The following WNT4 variants were observed in gnomAD, a reference collection of about 807,000 sequenced individuals.
The protein encoded by WNT4 is protein Wnt-4.
A neutral mutation model predicts 34.5 loss-of-function variants in WNT4; 16 were observed. That is an observed-to-expected ratio of 0.46 (90% CI 0.31 to 0.70). The LOEUF (loss-of-function observed/expected upper bound fraction) is 0.70. Ranked by LOEUF, WNT4 falls within the 30% of genes least tolerant of loss-of-function variation. The pLI, the probability that WNT4 is intolerant of heterozygous loss-of-function variation, is 0.04. For synonymous variants in WNT4, 200 were observed against 211.9 expected, an observed-to-expected ratio of 0.94 and a Z score of 0.49; for missense variants, 379 against 495.9, an observed-to-expected ratio of 0.76 and a Z score of 2.24.
intron 1 of WNT4, among the ~76,000 whole-genome samples, chr1:22,136,909 C>T (rs539404617): frequency 6.6e-6 from 1 of 152,280 alleles, no homozygotes; most frequent in South Asian, 2.1e-4. Flanking sequence ...GGCTATTCTG[C>T]TGTCTCCAGC....
At chr1:22,127,120 C>T (rs1219369120) in intron 2 of WNT4, 1 of 368,034 alleles carries the variant, frequency 2.7e-6, no homozygotes, top group Admixed American at 3.7e-5. Context: ...AGCTCAGCCT[C>T]CTTCTCCAGG....
At position 22,134,376 on chromosome 1, in the gene WNT4, G is replaced by C. The variant is rs577416783; in HGVS notation, c.78-4525C>G. Among the ~76,000 whole-genome samples the C allele has an allele frequency of 2.6e-5, 4 of 152,280 alleles. No individual in the cohort carries two copies. The East Asian group carries it at 7.7e-4, about 29-fold the overall frequency. ...TCTAGGACTGTGTTCTTAGGGGGATGGTACCTGGTTTCCCAAGATCCTAAC... is the reference window on the plus strand; with the variant it reads ...TCTAGGACTGTGTTCTTAGGGGGATCGTACCTGGTTTCCCAAGATCCTAAC... On this transcript the variant is annotated intron_variant, in intron 1 of 4. Transcript: ENST00000290167. The surrounding 1 kb of genome is among the most constrained non-coding windows in gnomAD (Gnocchi z 4.1).
intron 2 of WNT4, chr1:22,127,314 T>C (rs1481616646): frequency 3.8e-6 from 2 of 529,732 alleles, no homozygotes; most frequent in Non-Finnish European, 7.7e-6. Flanking sequence ...CCTTGGTTCC[T>C]CCCCCAAAGG....
At chr1:22,138,831 G>A (rs545748248) in intron 1 of WNT4, among the ~76,000 whole-genome samples, 1 of 152,278 alleles carries the variant, frequency 6.6e-6, no homozygotes, top group East Asian at 1.9e-4. Flanking sequence ...CCAGAGTGTT[G>A]GGCTTCACTC....
intron 2 of WNT4, 62 bp downstream of exon 2, chr1:22,129,554 C>A (rs1181552810): frequency 2.8e-5 from 43 of 1,553,234 alleles, no homozygotes; most frequent in Non-Finnish European, 3.7e-5. Flanking sequence ...CGTCTCATTT[C>A]CTGCTGGGCC....
rs1645896637 is a variant in WNT4 at position 22,121,357 on chromosome 1, G to A, written c.446-4C>T. ...GAGCATCCTGACCACTGGAAGCCTGGGGTGTGGTGGGCACAGAAAGGGCTG... is the reference window on the plus strand; with the variant it reads ...GAGCATCCTGACCACTGGAAGCCTGAGGTGTGGTGGGCACAGAAAGGGCTG... On this transcript the variant is annotated splice_region_variant and splice_polypyrimidine_tract_variant and intron_variant, in intron 3 of 4. Coordinates refer to ENST00000290167, the MANE Select transcript of WNT4 (RefSeq NM_030761.5). 6.2e-7 allele frequency: 1 copy of A among 1,613,956 alleles called. No individual in the cohort carries two copies. The highest frequency in any genetic ancestry group is 8.5e-7 in the Non-Finnish European group (1 of 1,180,042).
Position 22,119,965 on chromosome 1 carries a change from C to G in WNT4, c.*85G>C. On this transcript the variant is annotated 3_prime_UTR_variant, in exon 5 of 5. Transcript: ENST00000290167. ...AGAACAAAAAATACAACCAGTATCT[C>G]TTGGGGTAGGTGGTGGGAGACTGTT... The G allele has an allele frequency of 6.6e-7, 1 of 1,504,882 alleles. No individual in the cohort carries two copies. The highest frequency in any genetic ancestry group is 9.0e-7 in the Non-Finnish European group (1 of 1,107,148). 93.2% of individuals were successfully genotyped at this position (1,504,882 alleles called of 1,614,324 possible).
At position 22,140,194 on chromosome 1, in the gene WNT4, C is replaced by G; in HGVS notation, c.77+2652G>C. 1 of 985,454 alleles carries G rather than the reference C, an allele frequency of 1.0e-6. No homozygotes were observed. The highest frequency in any genetic ancestry group is 1.2e-6 in the Non-Finnish European group (1 of 829,932). The allele number at this position is 985,454 out of a possible 1,614,324, so 61.0% of individuals were successfully genotyped here. On this transcript the variant is annotated intron_variant, in intron 1 of 4. Coordinates refer to ENST00000290167, the MANE Select transcript of WNT4 (RefSeq NM_030761.5). This position sits in a 1 kb window ranked among gnomAD's most constrained non-coding sequence, Gnocchi z 5.9. ...CTCTCGGGGCCAGGCCTCCTCATAC[C>G]TCACACTTGAAAAGACACAGTGCCA...
intron 1 of WNT4, among the ~76,000 whole-genome samples, chr1:22,131,310 C>T (rs888984100): frequency 1.3e-5 from 2 of 152,218 alleles, no homozygotes; most frequent in East Asian, 1.9e-4. Context: ...GTTCTTGAAT[C>T]TGGCTGTGCA....
rs999404226 is a variant in WNT4 at position 22,132,878 on chromosome 1, G to A, written c.78-3027C>T. On this transcript the variant is annotated intron_variant, in intron 1 of 4. Coordinates refer to ENST00000290167, the MANE Select transcript of WNT4 (RefSeq NM_030761.5). Reference sequence around the variant, plus strand: ...CTGTTCCCCCAGACCCCAGGGTCTCGCCCGGGCAGGGCTGGGTGCCAGGGC... The same window carrying A: ...CTGTTCCCCCAGACCCCAGGGTCTCACCCGGGCAGGGCTGGGTGCCAGGGC... 3.3e-5 allele frequency among the ~76,000 whole-genome samples: 5 copies of A among 152,200 alleles called. No individual in the cohort carries two copies. In the East Asian group the frequency reaches 5.8e-4, roughly 18 times the overall value.
intron 4 of WNT4, 112 bp downstream of exon 4, chr1:22,121,099 G>C: frequency 6.5e-7 from 1 of 1,533,094 alleles, no homozygotes; most frequent in Non-Finnish European, 8.8e-7. Flanking sequence ...GGTGCCAGGT[G>C]CTGGTGAGAG....
At chr1:22,124,386 CT>C (rs1294778247) in intron 2 of WNT4, among the ~76,000 whole-genome samples, 8 of 152,232 alleles carry the variant, frequency 5.3e-5, no homozygotes, top group Admixed American at 5.2e-4. Flanking sequence ...CAGAGCACCC[CT>C]GGCCTCTGAC....
At position 22,139,544 on chromosome 1, in the gene WNT4, A is replaced by G. The variant is rs1043269274; in HGVS notation, c.77+3302T>C. On this transcript the variant is annotated intron_variant, in intron 1 of 4. Coordinates refer to ENST00000290167, the MANE Select transcript of WNT4 (RefSeq NM_030761.5). The surrounding 1 kb of genome is among the most constrained non-coding windows in gnomAD (Gnocchi z 4.6). The stretch of plus-strand genomic sequence containing the variant: ...CCCCTCACCCGTGGGATTCTGCTAG[A>G]ACCCCGCTACCCCACTACTTTCCTC... Among the ~76,000 whole-genome samples, 2 of 152,062 alleles carry G rather than the reference A, an allele frequency of 1.3e-5. No homozygotes were observed. The highest frequency in any genetic ancestry group is 4.8e-5 in the African/African-American group (2 of 41,402).
intron 1 of WNT4, among the ~76,000 whole-genome samples, chr1:22,141,025 G>A (rs950752399): frequency 1.3e-5 from 2 of 152,198 alleles, no homozygotes; most frequent in African/African-American, 4.8e-5. Flanking sequence ...GATGCCACCG[G>A]GCCATGCTGG....
rs1645989710 is a variant in WNT4, at chr1:22,132,216, G to T, written c.78-2365C>A. ...ACCGAGGCTTGGCCTCTTGGAGAAG[G>T]GTGGGGGCCCTGTTTGCTCTATGAT... On this transcript the variant is annotated intron_variant, in intron 1 of 4. Coordinates refer to ENST00000290167, the MANE Select transcript of WNT4 (RefSeq NM_030761.5). 2.0e-5 allele frequency among the ~76,000 whole-genome samples: 3 copies of T among 152,236 alleles called. No homozygotes were observed. The South Asian group carries it at 6.2e-4, about 32-fold the overall frequency.
Position 22,119,777 on chromosome 1 carries a change from G to T in WNT4, c.*273C>A, listed in dbSNP as rs1355869723. The T allele has an allele frequency of 1.8e-6, 1 of 558,368 alleles. No individual in the cohort carries two copies. The highest frequency in any genetic ancestry group is 3.2e-6 in the Non-Finnish European group (1 of 309,726). 34.6% of individuals were successfully genotyped at this position (558,368 alleles called of 1,614,324 possible). A position where few individuals can be genotyped will look rare whatever the true frequency, so the allele number is the denominator to read the frequency against. On this transcript the variant is annotated 3_prime_UTR_variant, in exon 5 of 5. Transcript: ENST00000290167. Reference sequence around the variant, plus strand: ...AAAAACGGACACAGATAACAACTGAGTGGTCAGTGGCAGCCACATGCGGGC... The same window carrying T: ...AAAAACGGACACAGATAACAACTGATTGGTCAGTGGCAGCCACATGCGGGC...
At position 22,132,488 on chromosome 1, in the gene WNT4, C is replaced by T. The variant is rs372754939; in HGVS notation, c.78-2637G>A. 9.2e-5 allele frequency among the ~76,000 whole-genome samples: 14 copies of T among 152,178 alleles called. 1 individual carries two copies. The highest frequency in any genetic ancestry group is 4.6e-4 in the Admixed American group (7 of 15,288). ...GGGTCCATATGGCCTTTCCCACTGT[C>T]GGAGTTGGTGGGCCTCCTTCTACTG... On this transcript the variant is annotated intron_variant, in intron 1 of 4. Transcript: ENST00000290167.
At chr1:22,126,047 C>T (rs1645938029) in intron 2 of WNT4, among the ~76,000 whole-genome samples, 1 of 152,212 alleles carries the variant, frequency 6.6e-6, no homozygotes, top group Non-Finnish European at 1.5e-5. Flanking sequence ...CAGAGGCCAT[C>T]CCTCATCTAG....
chr1:22,134,303 G>C lies in WNT4; in HGVS notation c.78-4452C>G, dbSNP rs1296847948. Reference sequence around the variant, plus strand: ...AACGGAGTGGCTGCTGAACAGAGCTGCCTTGGGGGATGCGGGCCAGTGGGG... The same window carrying C: ...AACGGAGTGGCTGCTGAACAGAGCTCCCTTGGGGGATGCGGGCCAGTGGGG... On this transcript the variant is annotated intron_variant, in intron 1 of 4. Transcript: ENST00000290167. The surrounding 1 kb of genome is among the most constrained non-coding windows in gnomAD (Gnocchi z 4.1). 2.0e-5 allele frequency among the ~76,000 whole-genome samples: 3 copies of C among 152,230 alleles called. No individual in the cohort carries two copies. Among genetic ancestry groups the C allele is most frequent in the Non-Finnish European group, 4.4e-5 (3 of 68,036 alleles).
Sources: gnomAD v4.1 joint callset for allele counts (sites outside exome capture counted in the v4.1 genomes callset) on GRCh38, gnomAD v4.1.1 for gene constraint, Gnocchi (gnomAD v3.1) non-coding constraint, MANE v1.5 for transcripts, NCBI Gene and HGNC (gene_info 2026-07-23, HGNC 2026-07-21) for gene names.